The following MCTP1 variants were observed in gnomAD, a reference collection of about 807,000 sequenced individuals.
MCTP1 encodes multiple C2 and transmembrane domain-containing protein 1.
In MCTP1, 69 loss-of-function variants were observed where a neutral mutation model predicts 120.6. The ratio of observed to expected loss-of-function variants is 0.57; its 90% CI spans 0.47 to 0.70. MCTP1 has a LOEUF of 0.70. Ranked by LOEUF, MCTP1 falls within the 30% of genes least tolerant of loss-of-function variation. The pLI, the probability that MCTP1 is intolerant of heterozygous loss-of-function variation, is 0.00. For synonymous variants in MCTP1, 529 were observed against 493.1 expected, an observed-to-expected ratio of 1.07 and a Z score of -0.96; for missense variants, 1,203 against 1,248.8, an observed-to-expected ratio of 0.96 and a Z score of 0.55.
chr5:95,181,119 T>G (rs1748549845), intron 1 of MCTP1, among the ~76,000 whole-genome samples: 1 of 152,260 alleles, frequency 6.6e-6, no homozygotes, highest in Non-Finnish European at 1.5e-5. Context: ...TAGTCAACTT[T>G]TAGCTCAGTT....
intron 2 of MCTP1, among the ~76,000 whole-genome samples, chr5:94,969,359 A>G (rs1826283556): frequency 6.6e-6 from 1 of 152,100 alleles, no homozygotes; most frequent in Non-Finnish European, 1.5e-5. Flanking sequence ...TCTTCCCTTA[A>G]ACTAGTATTA....
At chr5:95,198,876 A>C (rs1252641695) in intron 1 of MCTP1, among the ~76,000 whole-genome samples, 1 of 152,230 alleles carries the variant, frequency 6.6e-6, no homozygotes, top group East Asian at 1.9e-4. Flanking sequence ...GGAACCTGGC[A>C]ATTTGTAGGG....
chr5:94,739,938 G>A (rs1765132894), intron 19 of MCTP1, among the ~76,000 whole-genome samples: 1 of 152,208 alleles, frequency 6.6e-6, no homozygotes, highest in Admixed American at 6.5e-5. Flanking sequence ...AAAGTGCTGG[G>A]ATTACAGGCG....
intron 1 of MCTP1, among the ~76,000 whole-genome samples, chr5:95,054,659 C>T (rs1746890069): frequency 6.6e-6 from 1 of 152,060 alleles, no homozygotes; most frequent in African/African-American, 2.4e-5. Context: ...AAACTGAATC[C>T]CCACCATGTG....
chr5:94,943,813 A>G (rs1818305909), intron 3 of MCTP1, among the ~76,000 whole-genome samples: 1 of 152,070 alleles, frequency 6.6e-6, no homozygotes, highest in Non-Finnish European at 1.5e-5. Flanking sequence ...GATGAAATTT[A>G]GAGCTGTCAC....
chr5:95,113,904 A>G (rs1441102573), intron 1 of MCTP1, among the ~76,000 whole-genome samples: 1 of 152,170 alleles, frequency 6.6e-6, no homozygotes, highest in African/African-American at 2.4e-5. Context: ...AGTAGAGAAG[A>G]GGGAAGAGAA....
intron 1 of MCTP1, among the ~76,000 whole-genome samples, chr5:95,212,068 G>A (rs1191410750): frequency 6.6e-6 from 1 of 152,108 alleles, no homozygotes; most frequent in African/African-American, 2.4e-5. Context: ...AAAAATTAAT[G>A]AATCCAGGAG....
intron 12 of MCTP1, among the ~76,000 whole-genome samples, chr5:94,885,740 C>T (rs553526479): frequency 6.6e-6 from 1 of 152,172 alleles, no homozygotes; most frequent in East Asian, 1.9e-4. Flanking sequence ...GAGACATTAA[C>T]CTTTTCACTG....
At chr5:95,276,554 G>GC (rs1759855008) in intron 1 of MCTP1, among the ~76,000 whole-genome samples, 1 of 151,074 alleles carries the variant, frequency 6.6e-6, no homozygotes, top group Non-Finnish European at 1.5e-5. Context: ...ACTGCGCCCA[G>GC]CCAATATTGG....
chr5:95,047,748 AC>A (rs1303662778), intron 1 of MCTP1, among the ~76,000 whole-genome samples: 1 of 151,956 alleles, frequency 6.6e-6, no homozygotes, highest in African/African-American at 2.4e-5. Context: ...CAAACAGCCC[AC>A]CTATTCATCT....
At chr5:94,905,514 AATG>A (rs1362015432) in intron 10 of MCTP1, among the ~76,000 whole-genome samples, 1 of 152,214 alleles carries the variant, frequency 6.6e-6, no homozygotes, top group Non-Finnish European at 1.5e-5. Context: ...CTTTGACCAC[AATG>A]ATAATGATAG....
intron 19 of MCTP1, among the ~76,000 whole-genome samples, chr5:94,762,049 G>T (rs976286419): frequency 2.0e-5 from 3 of 152,190 alleles, no homozygotes; most frequent in Non-Finnish European, 4.4e-5. Flanking sequence ...CCATACGAGA[G>T]ATTCAGGAAA....
chr5:95,066,885 C>A (rs992298924), intron 1 of MCTP1, among the ~76,000 whole-genome samples: 3 of 152,174 alleles, frequency 2.0e-5, no homozygotes, highest in African/African-American at 7.2e-5. Context: ...GCATTAGATG[C>A]TCGTAAATAA....
chr5:95,274,982 G>A (rs1759710955), intron 1 of MCTP1, among the ~76,000 whole-genome samples: 1 of 152,052 alleles, frequency 6.6e-6, no homozygotes, highest in South Asian at 2.1e-4. Flanking sequence ...CGCAACCACT[G>A]CAGCCTCACC....
chr5:95,199,273 TACA>T lies in MCTP1; in HGVS notation c.720+84580_720+84582del, dbSNP rs200452031. Among the ~76,000 whole-genome samples, 1,044 of 152,320 alleles carry T rather than the reference TACA, an allele frequency of 6.9e-3. 12 individuals carry two copies. Among genetic ancestry groups the T allele is most frequent in the African/African-American group, 0.023 (944 of 41,560 alleles). ...TAATTTTAATGCAATCCAAAAACTC[TACA>T]ACATTTCTTAATAAAAGTTAATTAA... On this transcript the variant is annotated intron_variant, in intron 1 of 22. Transcript: ENST00000515393.
intron 12 of MCTP1, among the ~76,000 whole-genome samples, chr5:94,874,726 T>C (rs1210838212): frequency 6.6e-6 from 1 of 152,138 alleles, no homozygotes; most frequent in African/African-American, 2.4e-5. Context: ...TGGAAGATAG[T>C]GTTCAAAAAA....
chr5:95,022,769 T>C (rs1838451423), intron 1 of MCTP1, among the ~76,000 whole-genome samples: 1 of 152,192 alleles, frequency 6.6e-6, no homozygotes, highest in African/African-American at 2.4e-5. Flanking sequence ...TACAGTGCTC[T>C]AGGCAGCCAT....
intron 17 of MCTP1, among the ~76,000 whole-genome samples, chr5:94,812,922 CTCTG>C (rs888762887): frequency 6.6e-6 from 1 of 151,788 alleles, no homozygotes; most frequent in African/African-American, 2.4e-5. Flanking sequence ...CTCTCTCTCT[CTCTG>C]TATAAATGTC....
chr5:95,271,659 A>C (rs1322473359), intron 1 of MCTP1, among the ~76,000 whole-genome samples: 1 of 152,120 alleles, frequency 6.6e-6, no homozygotes, highest in Non-Finnish European at 1.5e-5. Flanking sequence ...GGTGGCTGTA[A>C]GTATGATACA....
Sources: gnomAD v4.1 joint callset for allele counts (sites outside exome capture counted in the v4.1 genomes callset) on GRCh38, gnomAD v4.1.1 for gene constraint, MANE v1.5 for transcripts, NCBI Gene and HGNC (gene_info 2026-07-23, HGNC 2026-07-21) for gene names.